The following DOK5 variants were observed in gnomAD, a reference collection of about 807,000 sequenced individuals.
DOK5 encodes the protein downstream of tyrosine kinase 5.
DOK5 carries 27 observed loss-of-function variants against 43.3 expected under a neutral mutation model. That is an observed-to-expected ratio of 0.62 (90% CI 0.46 to 0.86). The LOEUF (loss-of-function observed/expected upper bound fraction) is 0.86, where lower values mean the gene tolerates loss of function less well. Among genes scored for constraint, DOK5 ranks in the 40% least tolerant of loss-of-function variants. DOK5 has a pLI of 0.00. For missense variants in DOK5, 373 were observed against 392.9 expected (o/e 0.95, Z 0.43); for synonymous variants, 146 against 140.1 (o/e 1.04, Z -0.30).
chr20:54,644,844 G>A (rs1228186229), intron 7 of DOK5, among the ~76,000 whole-genome samples: 1 of 149,000 alleles, frequency 6.7e-6, no homozygotes, highest in Non-Finnish European at 1.5e-5. Context: ...CTCCAGCCTG[G>A]GCAACAAGAG....
intron 1 of DOK5, among the ~76,000 whole-genome samples, chr20:54,500,175 A>G (rs1784616340): frequency 6.6e-6 from 1 of 152,230 alleles, no homozygotes; most frequent in African/African-American, 2.4e-5. Context: ...TTGAAAAAAC[A>G]AAGGAAGAAG....
At chr20:54,593,795 C>G (rs965252361) in intron 5 of DOK5, among the ~76,000 whole-genome samples, 9 of 152,188 alleles carry the variant, frequency 5.9e-5, no homozygotes, top group Admixed American at 2.0e-4. Flanking sequence ...TACATATATA[C>G]CATGGAACAC....
intron 6 of DOK5, among the ~76,000 whole-genome samples, chr20:54,624,174 A>G (rs1016578133): frequency 6.6e-6 from 1 of 152,216 alleles, no homozygotes; most frequent in Non-Finnish European, 1.5e-5. Context: ...AGCAAAGTGC[A>G]ACAAGAAAAC....
chr20:54,647,260 TTTGGGAGGCCGAG>T (rs1979474993), intron 7 of DOK5, among the ~76,000 whole-genome samples: 1 of 152,104 alleles, frequency 6.6e-6, no homozygotes, highest in South Asian at 2.1e-4. Flanking sequence ...ATCACAGCAC[TTTGGGAGGCCGAG>T]TTGGGTGGAT....
chr20:54,627,968 A>G (rs1039962195), intron 6 of DOK5, among the ~76,000 whole-genome samples: 7 of 152,180 alleles, frequency 4.6e-5, no homozygotes. Flanking sequence ...AAATCATAGC[A>G]TGCACCTTGT....
intron 2 of DOK5, 70 bp downstream of exon 2, chr20:54,555,110 A>G (rs1984666262): frequency 9.6e-7 from 1 of 1,043,500 alleles, no homozygotes; most frequent in Non-Finnish European, 1.5e-6. Context: ...CTGACTGAAA[A>G]CTTGCCTGAA....
chr20:54,558,076 A>G (rs1464003034), intron 2 of DOK5, among the ~76,000 whole-genome samples: 1 of 152,236 alleles, frequency 6.6e-6, no homozygotes, highest in Non-Finnish European at 1.5e-5. Context: ...TCTATGTGTC[A>G]TACTTTTATT....
rs187416499 is a variant in DOK5, at chr20:54,515,440, C to G, written c.66+39428C>G. ...CACCATTTATTTTCCTGAGTCAGTC[C>G]AGGTTTGTAACTAATTTGTAGATTA... On this transcript the variant is annotated intron_variant, in intron 1 of 7. Coordinates refer to ENST00000262593, the MANE Select transcript of DOK5 (RefSeq NM_018431.5). Among the ~76,000 whole-genome samples, 12 of 152,242 alleles carry G rather than the reference C, an allele frequency of 7.9e-5. No homozygotes were observed. The East Asian group carries it at 2.3e-3, about 29-fold the overall frequency.
chr20:54,505,074 C>A (rs910099217), intron 1 of DOK5, among the ~76,000 whole-genome samples: 1 of 152,042 alleles, frequency 6.6e-6, no homozygotes, highest in South Asian at 2.1e-4. Context: ...GTGCCTCATC[C>A]CACACCCCAC....
At chr20:54,481,666 C>T (rs1981725297) in intron 1 of DOK5, among the ~76,000 whole-genome samples, 1 of 152,178 alleles carries the variant, frequency 6.6e-6, no homozygotes, top group African/African-American at 2.4e-5. Context: ...TAGTGCAGGG[C>T]CCAGCACAGA....
chr20:54,513,876 G>A (rs1284809419), intron 1 of DOK5, among the ~76,000 whole-genome samples: 3 of 152,108 alleles, frequency 2.0e-5, no homozygotes, highest in African/African-American at 7.2e-5. Flanking sequence ...AAGGGGCTGT[G>A]GGCCTTTATT....
intron 1 of DOK5, among the ~76,000 whole-genome samples, chr20:54,509,656 A>G (rs1013047480): frequency 4.6e-5 from 7 of 152,222 alleles, no homozygotes; most frequent in Non-Finnish European, 1.0e-4. Flanking sequence ...TTCAAGCAAG[A>G]TAGTGATGAG....
At chr20:54,485,656 G>A (rs966350889) in intron 1 of DOK5, among the ~76,000 whole-genome samples, 2 of 152,146 alleles carry the variant, frequency 1.3e-5, no homozygotes, top group African/African-American at 4.8e-5. Context: ...ATACGTTTTC[G>A]TGCCTCTAGG....
intron 5 of DOK5, among the ~76,000 whole-genome samples, chr20:54,605,024 TACAC>T (rs35834800): frequency 1.4e-4 from 18 of 132,464 alleles, no homozygotes; most frequent in East Asian, 6.0e-4. Flanking sequence ...TATATATATA[TACAC>T]ACACACACAC....
chr20:54,606,484 C>T (rs1986473978), intron 5 of DOK5, among the ~76,000 whole-genome samples: 1 of 152,186 alleles, frequency 6.6e-6, no homozygotes, highest in South Asian at 2.1e-4. Context: ...CATCTTTGTT[C>T]TGTGTTGCAT....
At chr20:54,589,876 G>A (rs1393966163) in intron 4 of DOK5, among the ~76,000 whole-genome samples, 1 of 152,062 alleles carries the variant, frequency 6.6e-6, no homozygotes, top group African/African-American at 2.4e-5. Flanking sequence ...GAAGCCCTGG[G>A]TAATTCAGAG....
At chr20:54,633,466 T>C (rs889020230) in intron 6 of DOK5, among the ~76,000 whole-genome samples, 5 of 152,196 alleles carry the variant, frequency 3.3e-5, no homozygotes, top group Non-Finnish European at 5.9e-5. Flanking sequence ...GACTCAACTT[T>C]GCCCATGTTT....
intron 1 of DOK5, among the ~76,000 whole-genome samples, chr20:54,499,740 T>A (rs1436086451): frequency 6.6e-6 from 1 of 152,222 alleles, no homozygotes; most frequent in Non-Finnish European, 1.5e-5. Flanking sequence ...TCACATTACT[T>A]GACCAAGTAG....
chr20:54,534,506 T>C (rs146894185), intron 1 of DOK5, among the ~76,000 whole-genome samples: 36 of 152,300 alleles, frequency 2.4e-4, no homozygotes, highest in Non-Finnish European at 4.0e-4. Context: ...CTCCATAATG[T>C]ATTAGCTGTG....
Sources: allele counts gnomAD v4.1 joint callset (sites outside exome capture counted in the v4.1 genomes callset), GRCh38; gene constraint gnomAD v4.1.1; transcripts MANE v1.5; gene names NCBI Gene and HGNC (gene_info 2026-07-23, HGNC 2026-07-21).